The following STK3 variants were observed in gnomAD, a reference collection of about 807,000 sequenced individuals.
The protein encoded by STK3 is serine/threonine kinase 3.
A neutral mutation model predicts 58.0 loss-of-function variants in STK3; 41 were observed. The observed-to-expected ratio is 0.71, with a 90% CI of 0.55 to 0.92. The LOEUF is 0.92. Ranked by LOEUF, STK3 falls within the 40% of genes least tolerant of loss-of-function variation. The pLI, the probability that STK3 is intolerant of heterozygous loss-of-function variation, is 0.00. For missense variants in STK3, 479 were observed against 602.7 expected, an observed-to-expected ratio of 0.79 and a Z score of 2.15; for synonymous variants, 170 against 191.0, an observed-to-expected ratio of 0.89 and a Z score of 0.91.
At chr8:98,756,194 C>G (rs1830279258) in intron 3 of STK3, among the ~76,000 whole-genome samples, 1 of 151,300 alleles carries the variant, frequency 6.6e-6, no homozygotes, top group Non-Finnish European at 1.5e-5. Flanking sequence ...AGAAAAGAAC[C>G]AACGAATAAA....
chr8:98,701,143 C>T (rs1825571426), intron 6 of STK3, among the ~76,000 whole-genome samples: 1 of 139,874 alleles, frequency 7.1e-6, no homozygotes, highest in Admixed American at 7.0e-5. Context: ...GCACTCCTTC[C>T]TGCCTGGGTG....
At chr8:98,891,431 T>C (rs1838194755) in intron 1 of STK3, among the ~76,000 whole-genome samples, 1 of 152,246 alleles carries the variant, frequency 6.6e-6, no homozygotes, top group Non-Finnish European at 1.5e-5. Context: ...CGAGAACTTT[T>C]ATAAAACATA....
upstream of STK3, among the ~76,000 whole-genome samples, chr8:98,389,168 A>G (rs557455424): frequency 6.6e-6 from 1 of 152,272 alleles, no homozygotes; most frequent in East Asian, 1.9e-4. Flanking sequence ...CATCCTATGG[A>G]TGTCTCACCT....
intron 6 of STK3, among the ~76,000 whole-genome samples, chr8:98,702,698 T>C (rs1587356234): frequency 6.6e-6 from 1 of 152,272 alleles, no homozygotes; most frequent in East Asian, 1.9e-4. Flanking sequence ...TATATACAGC[T>C]AGTGGGCAGG....
chr8:98,918,262 CT>C (rs988833176), intron 1 of STK3, among the ~76,000 whole-genome samples: 3 of 152,158 alleles, frequency 2.0e-5, no homozygotes, highest in African/African-American at 7.2e-5. Flanking sequence ...TCAAGTCTCC[CT>C]CTGTGAAGCC....
At chr8:98,516,832 G>A (rs964134809) in intron 10 of STK3, among the ~76,000 whole-genome samples, 2 of 151,942 alleles carry the variant, frequency 1.3e-5, no homozygotes, top group African/African-American at 4.8e-5. Flanking sequence ...ACAAGAATAT[G>A]GCCGATAATT....
intron 6 of STK3, among the ~76,000 whole-genome samples, chr8:98,616,900 CA>C (rs1411324107): frequency 6.6e-6 from 1 of 151,846 alleles, no homozygotes; most frequent in Non-Finnish European, 1.5e-5. Context: ...TTAGACAGAT[CA>C]ACGAGACAGA....
chr8:98,907,991 T>C (rs1295707823), intron 1 of STK3, among the ~76,000 whole-genome samples: 1 of 152,244 alleles, frequency 6.6e-6, no homozygotes, highest in Non-Finnish European at 1.5e-5. Flanking sequence ...CATGTTCCTC[T>C]ACTCCCCTTT....
intron 6 of STK3, among the ~76,000 whole-genome samples, chr8:98,697,103 G>T (rs1296838480): frequency 6.6e-6 from 1 of 152,136 alleles, no homozygotes; most frequent in Non-Finnish European, 1.5e-5. Flanking sequence ...TATGTGTCGA[G>T]GAATTTATCC....
At chr8:98,539,815 G>A (rs918816680) in intron 9 of STK3, among the ~76,000 whole-genome samples, 3 of 151,896 alleles carry the variant, frequency 2.0e-5, no homozygotes, top group African/African-American at 2.4e-5. Context: ...GTGCTGTTGC[G>A]GGATCTCAGC....
chr8:98,585,218 T>C (rs1814412773), intron 7 of STK3, among the ~76,000 whole-genome samples: 1 of 151,578 alleles, frequency 6.6e-6, no homozygotes, highest in Admixed American at 6.6e-5. Flanking sequence ...CTAGGGTTTT[T>C]ATGGTTTTAG....
chr8:98,504,181 A>T (rs1366336569), intron 10 of STK3, among the ~76,000 whole-genome samples: 1 of 152,034 alleles, frequency 6.6e-6, no homozygotes, highest in Non-Finnish European at 1.5e-5. Flanking sequence ...GTTGGTTTAA[A>T]GTCTGTTTTA....
At chr8:98,774,516 G>C (rs1187809813) in intron 2 of STK3, among the ~76,000 whole-genome samples, 1 of 152,054 alleles carries the variant, frequency 6.6e-6, no homozygotes, top group Non-Finnish European at 1.5e-5. Context: ...CACATTTCTT[G>C]CTTTTCCCTT....
At chr8:98,389,450 T>C (rs1817826004), upstream of STK3, among the ~76,000 whole-genome samples, 3 of 152,162 alleles carry the variant, frequency 2.0e-5, 1 homozygote, top group South Asian at 6.2e-4. Flanking sequence ...AAATAAAAAA[T>C]TATTCAGAAC....
chr8:98,672,102 C>A (rs1822873834), intron 6 of STK3, among the ~76,000 whole-genome samples: 1 of 152,142 alleles, frequency 6.6e-6, no homozygotes, highest in Non-Finnish European at 1.5e-5. Context: ...TCGGGTATTT[C>A]TTCATAGCAC....
At chr8:98,903,557 C>CTTCTTCTTCTT (rs1564093746) in intron 1 of STK3, among the ~76,000 whole-genome samples, 1 of 9,926 alleles carries the variant, frequency 1.0e-4, no homozygotes, top group African/African-American at 3.5e-4. Flanking sequence ...CTTCTTCTTC[C>CTTCTTCTTCTT]TTTTTTTTTT....
At chr8:98,660,208 A>G (rs1821858255) in intron 6 of STK3, among the ~76,000 whole-genome samples, 1 of 152,050 alleles carries the variant, frequency 6.6e-6, no homozygotes, top group Non-Finnish European at 1.5e-5. Flanking sequence ...GGAAGTATCT[A>G]AAGTAGTTAA....
chr8:98,776,643 A>G (rs865822074), intron 1 of STK3, among the ~76,000 whole-genome samples: 1 of 152,342 alleles, frequency 6.6e-6, no homozygotes, highest in Middle Eastern at 3.4e-3. Flanking sequence ...ACTGGAACAC[A>G]GTATCTAAAG....
chr8:98,687,266 T>C (rs999872991), intron 6 of STK3, among the ~76,000 whole-genome samples: 11 of 152,118 alleles, frequency 7.2e-5, no homozygotes, highest in Non-Finnish European at 7.4e-5. Flanking sequence ...TTTCCATAGA[T>C]AGGGTTGGAG....
Sources: gnomAD v4.1 joint callset for allele counts (sites outside exome capture counted in the v4.1 genomes callset) on GRCh38, gnomAD v4.1.1 for gene constraint, MANE v1.5 for transcripts, NCBI Gene and HGNC (gene_info 2026-07-23, HGNC 2026-07-21) for gene names.